EPB41L4B: variants seen among roughly 807,000 people sequenced by gnomAD.
EPB41L4B encodes the protein band 4.1-like protein 4B.
In EPB41L4B, 30 loss-of-function variants were observed where a neutral mutation model predicts 112.5. That is an observed-to-expected ratio of 0.27 (90% CI 0.20 to 0.36). The LOEUF (loss-of-function observed/expected upper bound fraction) is 0.36. Ranked by LOEUF, EPB41L4B falls within the 10% of genes least tolerant of loss-of-function variation. The pLI, the probability that EPB41L4B is intolerant of heterozygous loss-of-function variation, is 1.00. For missense variants in EPB41L4B, 1,024 were observed against 1,133.3 expected (o/e 0.90, Z 1.38); for synonymous variants, 408 against 439.7 (o/e 0.93, Z 0.90).
chr9:109,280,619 T>A (rs937769145), intron 1 of EPB41L4B, among the ~76,000 whole-genome samples: 1 of 151,862 alleles, frequency 6.6e-6, no homozygotes, highest in Non-Finnish European at 1.5e-5. Flanking sequence ...TCTCCCCACC[T>A]CTCCTTGGGA....
intron 15 of EPB41L4B, among the ~76,000 whole-genome samples, chr9:109,218,318 G>GT (rs1474743393): frequency 6.6e-6 from 1 of 151,716 alleles, no homozygotes; most frequent in Non-Finnish European, 1.5e-5. Context: ...TAGAGATGGG[G>GT]TTTCACCATG....
rs930912557 is a variant in EPB41L4B, at chr9:109,174,294, C to T, written c.*260G>A. The T allele has an allele frequency of 1.5e-5, 6 of 390,090 alleles. No individual in the cohort carries two copies. The East Asian group carries it at 2.5e-4, about 16-fold the overall frequency. 24.2% of individuals were successfully genotyped at this position (390,090 alleles called of 1,614,324 possible). A position where few individuals can be genotyped will look rare whatever the true frequency, so the allele number is the denominator to read the frequency against. Reference sequence around the variant, plus strand: ...CACACAGGTACTTCTGAAAAGGAATCCCGTTTTCCCATCTTTCTTTTCCTA... The same window carrying T: ...CACACAGGTACTTCTGAAAAGGAATTCCGTTTTCCCATCTTTCTTTTCCTA... On this transcript the variant is annotated 3_prime_UTR_variant, in exon 26 of 26. Coordinates refer to ENST00000374566, the MANE Select transcript of EPB41L4B (RefSeq NM_019114.5).
intron 24 of EPB41L4B, among the ~76,000 whole-genome samples, chr9:109,179,472 T>C (rs1831973503): frequency 6.6e-6 from 1 of 152,222 alleles, no homozygotes; most frequent in Non-Finnish European, 1.5e-5. Flanking sequence ...GCTTGGCTTC[T>C]GTTACCATCT....
chr9:109,260,057 A>G (rs192583472), intron 6 of EPB41L4B, among the ~76,000 whole-genome samples: 11 of 152,162 alleles, frequency 7.2e-5, no homozygotes, highest in Admixed American at 7.2e-4. Context: ...CCTTGTGTCT[A>G]AATCTTCAGT....
intron 15 of EPB41L4B, among the ~76,000 whole-genome samples, chr9:109,222,754 G>A (rs1833626111): frequency 6.6e-6 from 1 of 152,132 alleles, no homozygotes; most frequent in Admixed American, 6.5e-5. Flanking sequence ...TGGAAGAAGG[G>A]GCTGCTATGT....
Position 109,247,801 on chromosome 9 carries a change from AAC to A in EPB41L4B, c.1311-14_1311-13del, listed in dbSNP as rs1032314459. On this transcript the variant is annotated splice_polypyrimidine_tract_variant and intron_variant, in intron 13 of 25. Coordinates refer to ENST00000374566, the MANE Select transcript of EPB41L4B (RefSeq NM_019114.5). ...GATTTGTTTTAGAGCTAAACAAACA[AAC>A]AAACAAAAAACAGAAAAAAAAAGAA... is the stretch of plus-strand genomic sequence containing the variant. 4.0e-6 allele frequency: 6 copies of A among 1,491,732 alleles called. No homozygotes were observed. The highest frequency in any genetic ancestry group is 4.5e-6 in the Non-Finnish European group (5 of 1,119,480). The allele number at this position is 1,491,732 out of a possible 1,614,324, so 92.4% of individuals were successfully genotyped here.
intron 6 of EPB41L4B, among the ~76,000 whole-genome samples, chr9:109,258,962 C>G (rs761487261): frequency 6.6e-6 from 1 of 152,148 alleles, no homozygotes; most frequent in Non-Finnish European, 1.5e-5. Flanking sequence ...CCAAGTCCCC[C>G]ACAGGATGGA....
At chr9:109,277,328 A>T (rs1835870160) in intron 2 of EPB41L4B, among the ~76,000 whole-genome samples, 1 of 151,674 alleles carries the variant, frequency 6.6e-6, no homozygotes. Flanking sequence ...AAAAAAAAAA[A>T]AAAAAGATGG....
chr9:109,316,895 C>T (rs982869299), intron 1 of EPB41L4B, among the ~76,000 whole-genome samples: 5 of 152,108 alleles, frequency 3.3e-5, no homozygotes, highest in Admixed American at 2.0e-4. Context: ...TGAGCCTACA[C>T]GTTTGAGACC....
intron 4 of EPB41L4B, among the ~76,000 whole-genome samples, chr9:109,266,570 G>T (rs926026849): frequency 1.3e-5 from 2 of 152,204 alleles, no homozygotes; most frequent in African/African-American, 4.8e-5. Context: ...TTCACTGATG[G>T]AAAAGGGTAG....
chr9:109,260,410 C>CTTTTTTT (rs35040371), intron 6 of EPB41L4B, among the ~76,000 whole-genome samples: 5 of 102,498 alleles, frequency 4.9e-5, no homozygotes, highest in Admixed American at 1.2e-4. Flanking sequence ...TCAATTGTAT[C>CTTTTTTT]TTTTTTTTTT....
At position 109,227,581 on chromosome 9, in the gene EPB41L4B, T is replaced by C. The variant is rs1461650888; in HGVS notation, c.1410-10436A>G. 3.3e-5 allele frequency among the ~76,000 whole-genome samples: 5 copies of C among 152,090 alleles called. No individual in the cohort carries two copies. In the East Asian group the frequency reaches 9.6e-4, roughly 29 times the overall value. ...AAATGAGATCTTATTAATTATTACA[T>C]ATCCCCCCCTTTTTTTTTTGAGACG... On this transcript the variant is annotated intron_variant, in intron 15 of 25. Coordinates refer to ENST00000374566, the MANE Select transcript of EPB41L4B (RefSeq NM_019114.5).
chr9:109,209,354 A>G (rs1410886232), intron 17 of EPB41L4B, among the ~76,000 whole-genome samples: 1 of 151,168 alleles, frequency 6.6e-6, no homozygotes, highest in African/African-American at 2.4e-5. Context: ...ACTTACTTGG[A>G]CCATTAAAAA....
rs1400551052 is a variant in EPB41L4B at position 109,256,302 on chromosome 9, T to C, written c.841-78A>G. 9 of 1,586,656 alleles carry C rather than the reference T, an allele frequency of 5.7e-6. No individual in the cohort carries two copies. The East Asian group carries it at 2.0e-4, about 36-fold the overall frequency. Reference sequence around the variant, plus strand: ...AGCAGAATGCAAAATGCAAAAACAGTTTCCTCACCACAAGTTATTTTGTTT... The same window carrying C: ...AGCAGAATGCAAAATGCAAAAACAGCTTCCTCACCACAAGTTATTTTGTTT... On this transcript the variant is annotated intron_variant, in intron 8 of 25. Transcript: ENST00000374566.
rs1212251810 is a variant in EPB41L4B at position 109,174,024 on chromosome 9, G to A, written c.*530C>T. 1 of 152,568 alleles carries A rather than the reference G, an allele frequency of 6.6e-6. No homozygotes were observed. Among genetic ancestry groups the A allele is most frequent in the African/African-American group, 2.4e-5 (1 of 41,428 alleles). The allele number at this position is 152,568 out of a possible 1,614,324, so 9.5% of individuals were successfully genotyped here. A position where few individuals can be genotyped will look rare whatever the true frequency, so the allele number is the denominator to read the frequency against. The stretch of plus-strand genomic sequence containing the variant: ...GAAGTACCTTCAGTCATAGTGATAT[G>A]TAACTTTCTTTTTTTAGTTCTTCTA... On this transcript the variant is annotated 3_prime_UTR_variant, in exon 26 of 26. Transcript: ENST00000374566.
At chr9:109,247,014 T>C (rs1021855473) in intron 14 of EPB41L4B, among the ~76,000 whole-genome samples, 1 of 152,126 alleles carries the variant, frequency 6.6e-6, no homozygotes, top group Non-Finnish European at 1.5e-5. Context: ...TCTTTTTAAA[T>C]AGATGAGTTC....
At chr9:109,186,678 A>C (rs959455465) in intron 22 of EPB41L4B, among the ~76,000 whole-genome samples, 3 of 151,976 alleles carry the variant, frequency 2.0e-5, no homozygotes, top group Non-Finnish European at 4.4e-5. Flanking sequence ...GCGAGGTCCC[A>C]CTATGTTGCC....
intron 2 of EPB41L4B, among the ~76,000 whole-genome samples, chr9:109,268,853 C>T (rs10816796): frequency 0.47 from 68,536 of 145,894 alleles, 16,250 homozygotes; most frequent in East Asian, 0.67. Context: ...GTCGAGATCG[C>T]GCCACTGCAC....
At chr9:109,298,764 T>C (rs1836837531) in intron 1 of EPB41L4B, among the ~76,000 whole-genome samples, 1 of 151,904 alleles carries the variant, frequency 6.6e-6, no homozygotes, top group African/African-American at 2.4e-5. Context: ...CTGCTAAGAG[T>C]TGACCAATTT....
Sources: gnomAD v4.1 joint callset for allele counts (sites outside exome capture counted in the v4.1 genomes callset) on GRCh38, gnomAD v4.1.1 for gene constraint, MANE v1.5 for transcripts, NCBI Gene and HGNC (gene_info 2026-07-23, HGNC 2026-07-21) for gene names.